The following DENND4C variants were observed in gnomAD, a reference collection of about 807,000 sequenced individuals.
DENND4C encodes DENN domain-containing protein 4C.
In DENND4C, 108 loss-of-function variants were observed where a neutral mutation model predicts 203.0. The ratio of observed to expected loss-of-function variants is 0.53; its 90% CI spans 0.46 to 0.62. The LOEUF (loss-of-function observed/expected upper bound fraction) is 0.62. Ranked by LOEUF, DENND4C falls within the 20% of genes least tolerant of loss-of-function variation. The pLI, the probability that DENND4C is intolerant of heterozygous loss-of-function variation, is 0.00. For synonymous variants in DENND4C, 871 were observed against 792.4 expected, an observed-to-expected ratio of 1.10 and a Z score of -1.67; for missense variants, 2,481 against 2,301.2, an observed-to-expected ratio of 1.08 and a Z score of -1.60.
rs1820556316 is a variant in DENND4C at position 19,336,700 on chromosome 9, A to G, written c.2749A>G (p.Thr917Ala). Residue 917 changes from threonine to alanine, a missense_variant, in exon 20 of 33, where the codon ACA (threonine) becomes GCA (alanine). Thr to Ala is a moderately conservative substitution (Grantham distance 58). This residue lies in a region of DENND4C where 2,289 missense variants were observed against 2,113.3 expected (regional missense o/e 1.08). Coordinates refer to ENST00000434457, the MANE Select transcript of DENND4C (RefSeq NM_001330640.2). ...CTTATCTTTAGCTCTTCAAAATGTC[A>G]CAGGTGGAAGTGATGGGGACACGGT... ...VSSISALQNV[T>A]GGSDGDTVSH... 13 of 1,550,792 alleles carry G rather than the reference A, an allele frequency of 8.4e-6. No homozygotes were observed. The highest frequency in any genetic ancestry group is 1.1e-5 in the Non-Finnish European group (13 of 1,147,020).
chr9:19,331,891 T>TAAATTCTCC lies in DENND4C; in HGVS notation c.2254-86_2254-78dup, dbSNP rs1819297478. On this transcript the variant is annotated intron_variant, in intron 16 of 32. Transcript: ENST00000434457. ...TGATTTTAGGGGGTCAAGTTTTACTTAAATTCTCCTCTCCCTTTTCCTTCT... is the reference window on the plus strand; with the variant it reads ...TGATTTTAGGGGGTCAAGTTTTACTTAAATTCTCCAAATTCTCCTCTCCCTTTTCCTTCT... 11 of 1,284,182 alleles carry TAAATTCTCC rather than the reference T, an allele frequency of 8.6e-6. No individual in the cohort carries two copies. The South Asian group carries it at 1.4e-4, about 16-fold the overall frequency. 79.5% of individuals were successfully genotyped at this position (1,284,182 alleles called of 1,614,324 possible). A position where few individuals can be genotyped will look rare whatever the true frequency, so the allele number is the denominator to read the frequency against.
chr9:19,246,139 G>A (rs56247806), intron 1 of DENND4C, among the ~76,000 whole-genome samples: 14,947 of 152,048 alleles, frequency 0.098, 889 homozygotes, highest in South Asian at 0.17. Flanking sequence ...TGTTCTGTAT[G>A]TACCATTCTG....
intron 1 of DENND4C, among the ~76,000 whole-genome samples, chr9:19,271,241 C>A (rs1831598212): frequency 1.3e-5 from 2 of 149,850 alleles, no homozygotes; most frequent in Non-Finnish European, 3.0e-5. Context: ...GCTCTGCCAC[C>A]CAGGTTGGAA....
At chr9:19,234,045 T>C (rs994947402) in intron 1 of DENND4C, among the ~76,000 whole-genome samples, 27 of 152,230 alleles carry the variant, frequency 1.8e-4, no homozygotes, top group African/African-American at 6.5e-4. Flanking sequence ...TCTGTGCTTG[T>C]GTATAATTCC....
chr9:19,347,180 C>A, intron 23 of DENND4C, 94 bp downstream of exon 23: 1 of 1,276,022 alleles, frequency 7.8e-7, no homozygotes, highest in Non-Finnish European at 1.1e-6. Context: ...GATTTCTGTG[C>A]CCAGGCTGGA....
chr9:19,370,975 T>G (rs1260784006), intron 31 of DENND4C, among the ~76,000 whole-genome samples: 1 of 152,240 alleles, frequency 6.6e-6, no homozygotes, highest in Non-Finnish European at 1.5e-5. Context: ...GAGGTAGAGA[T>G]GACCTTCTTC....
In DENND4C at chr9:19,321,955, C is replaced by G. The variant is rs528819187; in HGVS notation, c.1808-2407C>G. Among the ~76,000 whole-genome samples the G allele has an allele frequency of 5.3e-5, 8 of 151,950 alleles. No individual in the cohort carries two copies. In the East Asian group the frequency reaches 1.5e-3, roughly 29 times the overall value. On this transcript the variant is annotated intron_variant, in intron 12 of 32. Coordinates refer to ENST00000434457, the MANE Select transcript of DENND4C (RefSeq NM_001330640.2). ...TCCTTAGATAGGAGGAGGGACATAT[C>G]CACTGTAAAAAGGCAGAAGGAATAA...
intron 30 of DENND4C, 79 bp downstream of exon 30, chr9:19,362,042 G>A: frequency 1.2e-6 from 1 of 819,468 alleles, no homozygotes; most frequent in Middle Eastern, 2.5e-4. Flanking sequence ...GGGAGGCCTA[G>A]GCTGGCGGAC....
chr9:19,258,540 AC>A (rs1300693087), intron 1 of DENND4C, among the ~76,000 whole-genome samples: 1 of 152,236 alleles, frequency 6.6e-6, no homozygotes, highest in Non-Finnish European at 1.5e-5. Context: ...TTGATCTATA[AC>A]TTGAAAATCA....
intron 1 of DENND4C, among the ~76,000 whole-genome samples, chr9:19,263,613 T>G (rs1829867025): frequency 6.6e-6 from 1 of 151,836 alleles, no homozygotes; most frequent in Non-Finnish European, 1.5e-5. Flanking sequence ...TGAGGAATTT[T>G]GCATCAATGT....
chr9:19,247,978 G>A (rs573135862), intron 1 of DENND4C, among the ~76,000 whole-genome samples: 7 of 152,074 alleles, frequency 4.6e-5, no homozygotes, highest in African/African-American at 1.4e-4. Flanking sequence ...CCTAATATAA[G>A]CCATTTTTAT....
chr9:19,307,769 C>CA (rs398046460), intron 10 of DENND4C, among the ~76,000 whole-genome samples: 32,724 of 88,808 alleles, frequency 0.37, 4,483 homozygotes, highest in East Asian at 0.51. Flanking sequence ...GACTCTGTCT[C>CA]AAAAAAAAAA....
intron 32 of DENND4C, 97 bp from the exon 33 acceptor site, chr9:19,371,940 G>A: frequency 7.4e-7 from 1 of 1,355,384 alleles, no homozygotes; most frequent in Non-Finnish European, 1.0e-6. Flanking sequence ...TAAATATATA[G>A]TTCAAATACA....
chr9:19,341,788 C>G lies in DENND4C; in HGVS notation c.3004+674C>G, dbSNP rs149405303. Among the ~76,000 whole-genome samples, 472 of 152,264 alleles carry G rather than the reference C, an allele frequency of 3.1e-3. 2 individuals are homozygous for G. Among genetic ancestry groups the G allele is most frequent in the African/African-American group, 0.01 (429 of 41,540 alleles). On this transcript the variant is annotated intron_variant, in intron 21 of 32. Coordinates refer to ENST00000434457, the MANE Select transcript of DENND4C (RefSeq NM_001330640.2). The stretch of plus-strand genomic sequence containing the variant: ...TCTAAAAGGCTCTTTCACTAGCAGT[C>G]CTTCAAATATCTAGGTGCATAGTTT...
intron 30 of DENND4C, among the ~76,000 whole-genome samples, chr9:19,364,497 C>T (rs1482096981): frequency 6.6e-6 from 1 of 151,994 alleles, no homozygotes; most frequent in African/African-American, 2.4e-5. Context: ...TCTTTTGAGA[C>T]AGGGTCATGT....
At chr9:19,323,542 G>C (rs78811070) in intron 12 of DENND4C, among the ~76,000 whole-genome samples, 3 of 152,252 alleles carry the variant, frequency 2.0e-5, no homozygotes, top group African/African-American at 7.2e-5. Context: ...CCTTGAATCA[G>C]ATGCCTTGGT....
rs376278355 is a variant in DENND4C, at chr9:19,324,554, T to C, written c.1953+47T>C. The C allele has an allele frequency of 7.1e-6, 11 of 1,560,076 alleles. No individual in the cohort carries two copies. In the African/African-American group the frequency reaches 9.7e-5, roughly 14 times the overall value. On this transcript the variant is annotated intron_variant, in intron 13 of 32. Transcript: ENST00000434457. ...AGTGTTTAGAAAAAAAAGTTTGCCTTACCTGTGTAATTATCATTGTTATTG... is the reference window on the plus strand; with the variant it reads ...AGTGTTTAGAAAAAAAAGTTTGCCTCACCTGTGTAATTATCATTGTTATTG...
intron 1 of DENND4C, among the ~76,000 whole-genome samples, chr9:19,244,220 G>T (rs1283605761): frequency 6.6e-6 from 1 of 152,008 alleles, no homozygotes; most frequent in African/African-American, 2.4e-5. Context: ...GAGTAGAGAT[G>T]GGATTTTGCC....
At chr9:19,302,656 G>T (rs1468553549) in intron 9 of DENND4C, among the ~76,000 whole-genome samples, 3 of 152,168 alleles carry the variant, frequency 2.0e-5, no homozygotes, top group African/African-American at 7.2e-5. Context: ...GTCACTCAAA[G>T]AAATCTGAAG....
Sources: allele counts gnomAD v4.1 joint callset (sites outside exome capture counted in the v4.1 genomes callset), GRCh38; gene constraint gnomAD v4.1.1; regional missense constraint gnomAD v4.1.1; transcripts MANE v1.5; gene names NCBI Gene and HGNC (gene_info 2026-07-23, HGNC 2026-07-21).